Variants in ARVCF observed in about 807,000 individuals in gnomAD.
ARVCF encodes splicing regulator ARVCF.
ARVCF carries 66 observed loss-of-function variants against 90.9 expected under a neutral mutation model. The observed-to-expected ratio is 0.73, with a 90% confidence interval of 0.60 to 0.89. ARVCF has a LOEUF of 0.89. Ranked by LOEUF, ARVCF falls within the 40% of genes least tolerant of loss-of-function variation. ARVCF has a pLI of 0.00. For synonymous variants in ARVCF, 653 were observed against 603.4 expected (o/e 1.08, Z -1.21); for missense variants, 1,469 against 1,382.3 (o/e 1.06, Z -1.00).
Position 19,992,159 on chromosome 22 carries a change from C to T in ARVCF, c.-18-1347G>A, listed in dbSNP as rs771696287. ...GAGACACTGTGGAGCCCAGCCCCAC[C>T]GACAGCTGGGAAAACAGGCCCAGCA... On this transcript the variant is annotated intron_variant, in intron 2 of 19. Transcript: ENST00000263207. 1.4e-4 allele frequency among the ~76,000 whole-genome samples: 22 copies of T among 152,342 alleles called. 1 individual carries two copies. Among genetic ancestry groups the T allele is most frequent in the South Asian group, 4.1e-4 (2 of 4,832 alleles).
chr22:20,013,427 T>G (rs1978233), intron 1 of ARVCF, among the ~76,000 whole-genome samples: 149,118 of 152,334 alleles, frequency 0.98, 73,009 homozygotes, highest in Middle Eastern at 1. Context: ...CCAAGCATGT[T>G]GGGGGTACCG....
rs1942689705 is a variant in ARVCF, at chr22:19,970,442, G to C, written c.*314C>G. 9.2e-7 allele frequency: 1 copy of C among 1,092,272 alleles called. No individual in the cohort carries two copies. Among genetic ancestry groups the C allele is most frequent in the Admixed American group, 4.6e-5 (1 of 21,808 alleles). 67.7% of individuals were successfully genotyped at this position (1,092,272 alleles called of 1,614,324 possible). On this transcript the variant is annotated 3_prime_UTR_variant, in exon 20 of 20. Transcript: ENST00000263207. ...CCCACCAGCCCCAAAGCCCAGCCAGGCACCCTTCCCTGCCACCTCCCTGGG... is the reference window on the plus strand; with the variant it reads ...CCCACCAGCCCCAAAGCCCAGCCAGCCACCCTTCCCTGCCACCTCCCTGGG...
chr22:19,975,881 ACCTG>A, intron 10 of ARVCF, 124 bp from the exon 11 acceptor site: 2 of 961,956 alleles, frequency 2.1e-6, no homozygotes, highest in Non-Finnish European at 3.2e-6. Flanking sequence ...AGGCCTGGGC[ACCTG>A]TGGGAGTGGA....
At chr22:20,015,720 T>C (rs1054265627) in intron 1 of ARVCF, among the ~76,000 whole-genome samples, 17 of 152,106 alleles carry the variant, frequency 1.1e-4, no homozygotes, top group African/African-American at 3.6e-4. Context: ...CTGAGGTTAT[T>C]AGACAGCAGC....
Position 19,973,813 on chromosome 22 carries a change from G to A in ARVCF, c.2089-20C>T, listed in dbSNP as rs1388282273. ...GGCCCACTGCGGAGGCGGGGAGAGG[G>A]TTGCTCAGACATACATGCCAGGCAC... On this transcript the variant is annotated intron_variant, in intron 12 of 19. Transcript: ENST00000263207. The A allele has an allele frequency of 1.3e-6, 2 of 1,594,738 alleles. No homozygotes were observed. Among genetic ancestry groups the A allele is most frequent in the African/African-American group, 1.3e-5 (1 of 74,926 alleles).
At chr22:19,965,532 G>C (rs1942343139), downstream of ARVCF, 1 of 152,126 alleles carries the variant, frequency 6.6e-6, no homozygotes. Context: ...AGTAGAGATG[G>C]GGTTTCACCA....
chr22:19,979,971 C>T lies in ARVCF; in HGVS notation c.1168G>A (p.Glu390Lys), dbSNP rs958956159. ...TGCCGTACACGCCGCTTGACACCCTCGTTCTCAAAGCACAGATGCTGCAGG... is the reference window on the plus strand; with the variant it reads ...TGCCGTACACGCCGCTTGACACCCTTGTTCTCAAAGCACAGATGCTGCAGG... ...AYLQHLCFEN[E>K]GVKRRVRQLR... The change falls in exon 6 of 20, where the codon GAG (glutamate) becomes AAG (lysine). Residue 390 changes from glutamate to lysine, a missense_variant. By Grantham distance (56) the Glu-to-Lys change is moderately conservative. Transcript: ENST00000263207. 4 of 1,595,748 alleles carry T rather than the reference C, an allele frequency of 2.5e-6. No individual in the cohort carries two copies. The highest frequency in any genetic ancestry group is 2.3e-5 in the South Asian group (2 of 88,858).
chr22:19,968,228 G>A (rs550491309), downstream of ARVCF, among the ~76,000 whole-genome samples: 31 of 152,192 alleles, frequency 2.0e-4, no homozygotes, highest in Non-Finnish European at 3.4e-4. Flanking sequence ...CACTCACCCA[G>A]CTAGCATTTA....
chr22:19,969,008 G>T (rs1942593951), downstream of ARVCF: 1 of 342,562 alleles, frequency 2.9e-6, no homozygotes, highest in Non-Finnish European at 5.5e-6. Context: ...TAGAAATTAA[G>T]AATCTAAATA....
chr22:19,981,047 C>G (rs1943463253), intron 5 of ARVCF, 164 bp downstream of exon 5: 2 of 945,978 alleles, frequency 2.1e-6, no homozygotes, highest in Non-Finnish European at 3.0e-6. Context: ...CCTACCACCC[C>G]AGGGTCCACC....
chr22:19,988,212 G>C (rs1601629578), intron 3 of ARVCF, among the ~76,000 whole-genome samples: 2 of 152,260 alleles, frequency 1.3e-5, no homozygotes, highest in South Asian at 4.1e-4. Flanking sequence ...AAGATTCTAG[G>C]TACCCACCAT....
rs759779646 is a variant in ARVCF at position 19,971,305 on chromosome 22, C to T, written c.2812G>A (p.Gly938Arg). Residue 938 changes from glycine (G) to arginine (R), a missense_variant, in exon 19 of 20, where the codon GGG becomes AGG. Coordinates refer to ENST00000263207, the MANE Select transcript of ARVCF (RefSeq NM_001670.3). Reference sequence around the variant, plus strand: ...AGCCTGACCGCGGGCCTGCTGGGCCCGGGGGGAGGGGCCTTCCTGCTGGGG... The same window carrying T: ...AGCCTGACCGCGGGCCTGCTGGGCCTGGGGGGAGGGGCCTTCCTGCTGGGG... ...LDPSRKAPPP[G>R]PSRPAVRLVD... 24 of 1,555,230 alleles carry T rather than the reference C, an allele frequency of 1.5e-5. No homozygotes were observed. The highest frequency in any genetic ancestry group is 1.1e-4 in the South Asian group (9 of 84,554).
At chr22:20,015,644 C>G (rs2146533114) in intron 1 of ARVCF, among the ~76,000 whole-genome samples, 1 of 152,198 alleles carries the variant, frequency 6.6e-6, no homozygotes, top group South Asian at 2.1e-4. Context: ...GAGGTGGAGG[C>G]TCCCACTGCA....
intron 1 of ARVCF, among the ~76,000 whole-genome samples, chr22:20,013,295 C>T (rs1465956655): frequency 1.3e-5 from 2 of 152,232 alleles, no homozygotes; most frequent in Non-Finnish European, 2.9e-5. Context: ...GGCCCCTGGG[C>T]ACACACTTGA....
chr22:19,974,118 G>A lies in ARVCF; in HGVS notation c.2082C>T (p.Asn694=), dbSNP rs776735612. ...AGALQNLSAG[N]WMWATYIRAT... ...GCCCGACCTGGTCCCTCACCATCCA[G>A]TTGCCGGCACTGAGGTTCTGCAGAG... Residue 694 remains asparagine, a synonymous_variant, in exon 12 of 20, where the codon AAC becomes AAT. Transcript: ENST00000263207. 18 of 1,609,698 alleles carry A rather than the reference G, an allele frequency of 1.1e-5. No individual in the cohort carries two copies. In the South Asian group the frequency reaches 1.9e-4, roughly 17 times the overall value.
intron 2 of ARVCF, among the ~76,000 whole-genome samples, chr22:19,999,619 C>T (rs900586219): frequency 1.3e-5 from 2 of 152,128 alleles, no homozygotes; most frequent in Admixed American, 6.5e-5. Context: ...CTGTGGTGGA[C>T]GTAGGCCATA....
At chr22:19,999,969 G>T (rs978146617) in intron 2 of ARVCF, among the ~76,000 whole-genome samples, 11 of 152,208 alleles carry the variant, frequency 7.2e-5, no homozygotes, top group African/African-American at 2.7e-4. Flanking sequence ...TGCACTGGAA[G>T]GGGCAGAACG....
At chr22:19,980,897 G>A (rs1943453830) in intron 5 of ARVCF, 1 of 346,386 alleles carries the variant, frequency 2.9e-6, no homozygotes, top group Non-Finnish European at 5.2e-6. Context: ...TGAGGGCAAT[G>A]GGGACAGAAC....
chr22:19,973,393 G>C (rs560203785), intron 13 of ARVCF, 76 bp from the exon 14 acceptor site: 139 of 1,481,104 alleles, frequency 9.4e-5, no homozygotes, highest in Non-Finnish European at 1.1e-4. Context: ...CCGCGAGGGC[G>C]AGGGGCACTG....
Sources: gnomAD v4.1 joint callset for allele counts (sites outside exome capture counted in the v4.1 genomes callset) on GRCh38, gnomAD v4.1.1 for gene constraint, MANE v1.5 for transcripts, NCBI Gene and HGNC (gene_info 2026-07-23, HGNC 2026-07-21) for gene names.